The following ODAD2 variants were observed in gnomAD, a reference collection of about 807,000 sequenced individuals.
ODAD2 encodes outer dynein arm-docking complex subunit 2.
A neutral mutation model predicts 106.8 loss-of-function variants in ODAD2; 89 were observed. The ratio of observed to expected loss-of-function variants is 0.83; its 90% CI spans 0.70 to 0.99. The LOEUF is 0.99. ODAD2 is among the 50% of genes least tolerant of loss of function. ODAD2 has a pLI of 0.00. For synonymous variants in ODAD2, 404 were observed against 436.2 expected (o/e 0.93, Z 0.92); for missense variants, 1,168 against 1,238.5 (o/e 0.94, Z 0.85).
intron 10 of ODAD2, among the ~76,000 whole-genome samples, chr10:27,952,502 A>G (rs1847424897): frequency 6.6e-6 from 1 of 152,022 alleles, no homozygotes; most frequent in African/African-American, 2.4e-5. Context: ...CCCATCACCT[A>G]GATTTTCAGC....
At chr10:27,941,699 G>C (rs1401016612) in intron 12 of ODAD2, among the ~76,000 whole-genome samples, 1 of 150,732 alleles carries the variant, frequency 6.6e-6, no homozygotes. Flanking sequence ...GCCCCATGGA[G>C]GAAGGGAAGT....
chr10:27,883,812 A>G (rs931637526), intron 17 of ODAD2, among the ~76,000 whole-genome samples: 3 of 152,142 alleles, frequency 2.0e-5, no homozygotes, highest in African/African-American at 7.2e-5. Flanking sequence ...TTAACAGCAG[A>G]TTTGAGCAGG....
intron 19 of ODAD2, among the ~76,000 whole-genome samples, chr10:27,833,814 C>T (rs973527856): frequency 6.6e-6 from 1 of 152,148 alleles, no homozygotes; most frequent in East Asian, 1.9e-4. Context: ...GAAGAAGAGA[C>T]GTGCAAGTCC....
chr10:27,856,824 G>A (rs1004522862), intron 19 of ODAD2, among the ~76,000 whole-genome samples: 5 of 152,046 alleles, frequency 3.3e-5, no homozygotes, highest in East Asian at 1.9e-4. Context: ...AAAATTAGTC[G>A]GGCATCATGG....
Position 27,923,945 on chromosome 10 carries a change from T to TGAAAGAAAGAAAGAAAGAAA in ODAD2, c.2495+11045_2495+11064dup, listed in dbSNP as rs747193046. Among the ~76,000 whole-genome samples the TGAAAGAAAGAAAGAAAGAAA allele has an allele frequency of 9.8e-4, 45 of 46,006 alleles. 1 individual carries two copies. The highest frequency in any genetic ancestry group is 4.7e-3 in the East Asian group (6 of 1,284). 30.2% of individuals were successfully genotyped at this position (46,006 alleles called of 152,430 possible). A position where few individuals can be genotyped will look rare whatever the true frequency, so the allele number is the denominator to read the frequency against. ...GGTGATAGAGAGAGACCCTGTCTAA[T>TGAAAGAAAGAAAGAAAGAAA]GAAAGAAAGAAAGAAAGAAAGAAAG... On this transcript the variant is annotated intron_variant, in intron 16 of 19. Transcript: ENST00000305242.
chr10:27,930,558 C>T (rs1173115801), intron 16 of ODAD2, among the ~76,000 whole-genome samples: 3 of 149,282 alleles, frequency 2.0e-5, no homozygotes, highest in Non-Finnish European at 4.4e-5. Context: ...ACCCGGGAGG[C>T]GGAGTTTGCA....
At chr10:27,818,720 C>A (rs1836349200) in intron 19 of ODAD2, among the ~76,000 whole-genome samples, 1 of 152,184 alleles carries the variant, frequency 6.6e-6, no homozygotes, top group South Asian at 2.1e-4. Flanking sequence ...TCATGGCCAC[C>A]CGCCTCGCTT....
At chr10:27,892,369 A>T (rs1330418115) in intron 17 of ODAD2, among the ~76,000 whole-genome samples, 2 of 152,198 alleles carry the variant, frequency 1.3e-5, no homozygotes, top group African/African-American at 4.8e-5. Flanking sequence ...TGATAGACTA[A>T]AAAAGACCGT....
rs1188767324 is a variant in ODAD2, at chr10:27,944,869, C to T, written c.1480G>A (p.Gly494Arg). 1 of 1,614,168 alleles carries T rather than the reference C, an allele frequency of 6.2e-7. No individual in the cohort carries two copies. Among genetic ancestry groups the T allele is most frequent in the East Asian group, 2.2e-5 (1 of 44,868 alleles). The change falls in exon 11 of 20, where the codon GGA becomes AGA. Residue 494 changes from glycine to arginine, a missense_variant. Coordinates refer to ENST00000305242, the MANE Select transcript of ODAD2 (RefSeq NM_018076.5). The part of the protein sequence containing the change: ...ETCQLAIRDV[G>R]GLEVLINLLE... ...AAATTTATCAGCACTTCCAGGCCTC[C>T]AACATCTCTGATGGCCAACTGGCAG...
intron 19 of ODAD2, among the ~76,000 whole-genome samples, chr10:27,828,855 CTAAATT>C (rs1417700863): frequency 2.0e-5 from 3 of 152,214 alleles, no homozygotes; most frequent in East Asian, 3.9e-4. Flanking sequence ...TGAGAATTCT[CTAAATT>C]ATACCCATAT....
chr10:27,866,334 C>A (rs1480816728), intron 17 of ODAD2, among the ~76,000 whole-genome samples: 1 of 152,276 alleles, frequency 6.6e-6, no homozygotes, highest in Non-Finnish European at 1.5e-5. Flanking sequence ...ATCTGTCTGA[C>A]CCCAGAGCCC....
intron 19 of ODAD2, among the ~76,000 whole-genome samples, chr10:27,856,639 G>A (rs7096753): frequency 0.03 from 4,586 of 152,216 alleles, 227 homozygotes; most frequent in African/African-American, 0.11. Flanking sequence ...CAAGGAAACC[G>A]CTAGCCACTA....
chr10:27,909,514 G>T (rs534355010), intron 16 of ODAD2, among the ~76,000 whole-genome samples: 1 of 151,944 alleles, frequency 6.6e-6, no homozygotes, highest in South Asian at 2.1e-4. Flanking sequence ...CTCATTACTG[G>T]TGTCTTAAAA....
At chr10:27,855,157 T>C (rs1040595595) in intron 19 of ODAD2, among the ~76,000 whole-genome samples, 2 of 152,258 alleles carry the variant, frequency 1.3e-5, no homozygotes, top group South Asian at 2.1e-4. Flanking sequence ...AAAATGTGCA[T>C]GTGTATGTCA....
intron 7 of ODAD2, 104 bp from the exon 8 acceptor site, chr10:27,971,417 AT>A: frequency 1.0e-6 from 1 of 997,062 alleles, no homozygotes; most frequent in Non-Finnish European, 1.4e-6. Flanking sequence ...TCTCGGATGC[AT>A]TTAACTTGTG....
At chr10:27,832,025 T>C (rs988278970) in intron 19 of ODAD2, among the ~76,000 whole-genome samples, 4 of 152,244 alleles carry the variant, frequency 2.6e-5, no homozygotes, top group Non-Finnish European at 4.4e-5. Context: ...GGGCTTCCCC[T>C]GAAGGCTGGA....
In ODAD2 at chr10:27,940,634, G is replaced by T. The variant is rs1177855134; in HGVS notation, c.1915C>A (p.Arg639=). ...RKAGGIPLLA[R]LLKTSHENML... is the part of the protein sequence containing the mutation. ...TTTTCATGAGAAGTCTTCAGCAGCC[G>T]AGCCAACAGAGGAATGCCCCCAGCT... is the stretch of plus-strand genomic sequence containing the variant. The change falls in exon 13 of 20, where the codon CGG becomes AGG. Residue 639 remains arginine, a synonymous_variant. Transcript: ENST00000305242. The T allele has an allele frequency of 6.2e-7, 1 of 1,614,090 alleles. No homozygotes were observed. The highest frequency in any genetic ancestry group is 2.2e-5 in the East Asian group (1 of 44,864).
intron 9 of ODAD2, among the ~76,000 whole-genome samples, chr10:27,967,118 A>G (rs1300257037): frequency 6.6e-6 from 1 of 151,666 alleles, no homozygotes; most frequent in Non-Finnish European, 1.5e-5. Flanking sequence ...GCCTAATAAG[A>G]CAGAAAATGT....
chr10:27,840,420 A>G (rs536840387), intron 19 of ODAD2, among the ~76,000 whole-genome samples: 1 of 152,330 alleles, frequency 6.6e-6, no homozygotes, highest in East Asian at 1.9e-4. Context: ...TTCCCAGCAC[A>G]TCATGAACGC....
Sources: allele counts gnomAD v4.1 joint callset (sites outside exome capture counted in the v4.1 genomes callset), GRCh38; gene constraint gnomAD v4.1.1; transcripts MANE v1.5; gene names NCBI Gene and HGNC (gene_info 2026-07-23, HGNC 2026-07-21).